NBPF8: variants seen among roughly 807,000 people sequenced by gnomAD.
NBPF8 encodes NBPF family member NBPF8.
intron 11 of NBPF8, among the ~76,000 whole-genome samples, chr1:120,449,695 C>G (rs1437426809): frequency 6.6e-6 from 1 of 152,136 alleles, no homozygotes; most frequent in Non-Finnish European, 1.5e-5. Flanking sequence ...ATCGTGTTTT[C>G]AAGAATCCTC....
chr1:120,431,399 T>C (rs1411636048), upstream of NBPF8, among the ~76,000 whole-genome samples: 23 of 59,034 alleles, frequency 3.9e-4, no homozygotes, highest in South Asian at 5.0e-3. Context: ...TATATATATA[T>C]ATACAGACAC....
upstream of NBPF8, among the ~76,000 whole-genome samples, chr1:120,418,778 G>A (rs1299166592): frequency 4.8e-5 from 7 of 147,148 alleles, no homozygotes; most frequent in South Asian, 6.5e-4. Flanking sequence ...AAACTCCTGG[G>A]CTCAAATGAC....
intron 17 of NBPF8, among the ~76,000 whole-genome samples, chr1:120,460,296 T>TG (rs1181881163): frequency 4.3e-4 from 66 of 152,276 alleles, no homozygotes; most frequent in Middle Eastern, 3.4e-3. Context: ...TACAATTTAT[T>TG]GGGGAAAAAA....
At chr1:120,435,899 C>A (rs1424066683), upstream of NBPF8, among the ~76,000 whole-genome samples, 8 of 150,912 alleles carry the variant, frequency 5.3e-5, no homozygotes, top group Non-Finnish European at 1.0e-4. Context: ...AGAGAACATA[C>A]TAAATGATTC....
At chr1:120,432,134 C>T (rs1448867094), upstream of NBPF8, 1 of 144,202 alleles carries the variant, frequency 6.9e-6, no homozygotes, top group Non-Finnish European at 1.5e-5. Flanking sequence ...TGCTGGGGTC[C>T]CTTATCTTGT....
At chr1:120,420,301 G>A (rs1407853995) in intron 1 of NBPF8, among the ~76,000 whole-genome samples, 183 bp downstream of exon 2, 10 of 151,192 alleles carry the variant, frequency 6.6e-5, no homozygotes, top group South Asian at 2.1e-4. Flanking sequence ...TGCCACCCTC[G>A]ACCTGCAGTG....
chr1:120,423,168 C>T (rs1419454911), intron 1 of NBPF8, among the ~76,000 whole-genome samples: 1 of 135,538 alleles, frequency 7.4e-6, no homozygotes, highest in Non-Finnish European at 1.5e-5. Flanking sequence ...GTAGATTGTG[C>T]TTTTGGTTTT....
intron 11 of NBPF8, among the ~76,000 whole-genome samples, chr1:120,450,395 G>C (rs1427731361): frequency 6.6e-6 from 1 of 151,770 alleles, no homozygotes; most frequent in Non-Finnish European, 1.5e-5. Context: ...CAGGGACCGT[G>C]GGCCTGTCTC....
At position 120,436,710 on chromosome 1, in the gene NBPF8, G is replaced by A. The variant is rs1661094333; in HGVS notation, n.345+13G>A. Reference sequence around the variant, plus strand: ...CAGAAGAAATACAGTAAGATCTATAGGCTCACCGTCATGAAAGTGATGAAT... The same window carrying A: ...CAGAAGAAATACAGTAAGATCTATAAGCTCACCGTCATGAAAGTGATGAAT... On this transcript the variant is annotated intron_variant and non_coding_transcript_variant, in intron 1 of 24. Coordinates refer to ENST00000583271, the Ensembl canonical transcript of NBPF8. The A allele has an allele frequency of 1.7e-6, 2 of 1,209,086 alleles. No individual in the cohort carries two copies. The highest frequency in any genetic ancestry group is 3.0e-5 in the African/African-American group (2 of 66,002). The allele number at this position is 1,209,086 out of a possible 1,614,324, so 74.9% of individuals were successfully genotyped here.
chr1:120,452,752 T>C (rs1165097814), intron 13 of NBPF8, among the ~76,000 whole-genome samples: 7 of 152,202 alleles, frequency 4.6e-5, no homozygotes, highest in Admixed American at 4.6e-4. Context: ...GGCAGACAAA[T>C]TGTCTCTTGC....
At chr1:120,450,743 C>T (rs1158378379) in intron 11 of NBPF8, among the ~76,000 whole-genome samples, 2 of 152,250 alleles carry the variant, frequency 1.3e-5, no homozygotes, top group South Asian at 4.1e-4. Flanking sequence ...CTTTCGCATA[C>T]TTGTCCTTGA....
chr1:120,454,703 A>ATTGTTTTTTTT (rs1661385608), intron 15 of NBPF8, among the ~76,000 whole-genome samples: 1 of 5,070 alleles, frequency 2.0e-4, no homozygotes, highest in Non-Finnish European at 3.8e-4. Context: ...AGCATCGTGG[A>ATTGTTTTTTTT]TTTTTTTTTT....
chr1:120,452,739 C>T (rs1553249107), intron 13 of NBPF8, among the ~76,000 whole-genome samples: 56,928 of 146,872 alleles, frequency 0.39, 10,140 homozygotes, highest in African/African-American at 0.46. Flanking sequence ...TCTCTCTCTC[C>T]GTGGCAGACA....
upstream of NBPF8, among the ~76,000 whole-genome samples, chr1:120,434,740 A>C (rs1661025829): frequency 7.1e-6 from 1 of 141,202 alleles, no homozygotes; most frequent in African/African-American, 2.7e-5. Context: ...ACTCTCCATC[A>C]TATGTTGAAA....
At chr1:120,450,360 G>A (rs1264311745) in intron 11 of NBPF8, among the ~76,000 whole-genome samples, 2 of 151,934 alleles carry the variant, frequency 1.3e-5, no homozygotes, top group Admixed American at 1.3e-4. Flanking sequence ...GAGAATGTGT[G>A]GAGATAGCAG....
exon 1 of NBPF8, chr1:120,436,433 C>A (rs1661080781): frequency 1.7e-6 from 2 of 1,201,352 alleles, no homozygotes; most frequent in East Asian, 4.6e-5. Flanking sequence ...CTGATTAAAC[C>A]TATTTGATTT....
At chr1:120,453,689 G>C (rs1570940237) in intron 14 of NBPF8, among the ~76,000 whole-genome samples, 1 of 150,954 alleles carries the variant, frequency 6.6e-6, no homozygotes, top group Non-Finnish European at 1.5e-5. Flanking sequence ...TATCTGTCCA[G>C]TGCAATGAAC....
At chr1:120,435,679 A>G (rs1219216595), upstream of NBPF8, among the ~76,000 whole-genome samples, 1 of 151,524 alleles carries the variant, frequency 6.6e-6, no homozygotes, top group Non-Finnish European at 1.5e-5. Flanking sequence ...CGTCTCTACT[A>G]AAAATACAAA....
chr1:120,425,398 A>T (rs1170406965), intron 1 of NBPF8, among the ~76,000 whole-genome samples: 1 of 152,210 alleles, frequency 6.6e-6, no homozygotes, highest in East Asian at 1.9e-4. Flanking sequence ...GTTTCTGTAT[A>T]TGCACATCAA....
Sources: allele counts gnomAD v4.1 joint callset (sites outside exome capture counted in the v4.1 genomes callset), GRCh38; gene constraint gnomAD v4.1.1; transcripts MANE v1.5; gene names NCBI Gene and HGNC (gene_info 2026-07-23, HGNC 2026-07-21).